The following VTA1 variants were observed in gnomAD, a reference collection of about 807,000 sequenced individuals.
VTA1 encodes vesicle trafficking 1, also known as vacuolar protein sorting-associated protein VTA1 homolog.
VTA1 carries 24 observed loss-of-function variants against 36.9 expected under a neutral mutation model. That is an observed-to-expected ratio of 0.65 (90% CI 0.47 to 0.91). The LOEUF (loss-of-function observed/expected upper bound fraction) is 0.91, where lower values mean the gene tolerates loss of function less well. Among genes scored for constraint, VTA1 ranks in the 40% least tolerant of loss-of-function variants. VTA1 has a pLI of 0.00. For missense variants in VTA1, 393 were observed against 377.2 expected (o/e 1.04, Z -0.35); for synonymous variants, 142 against 130.2 (o/e 1.09, Z -0.62).
At chr6:142,155,831 C>G (rs1778651641) in intron 1 of VTA1, among the ~76,000 whole-genome samples, 1 of 152,078 alleles carries the variant, frequency 6.6e-6, no homozygotes, top group African/African-American at 2.4e-5. Context: ...TAAGGTGTTT[C>G]TTTTTGTTCT....
chr6:142,214,565 A>C (rs1582907905), intron 7 of VTA1, among the ~76,000 whole-genome samples: 1 of 152,220 alleles, frequency 6.6e-6, no homozygotes, highest in East Asian at 1.9e-4. Context: ...ATTTGACAGG[A>C]GATTTGGATG....
intron 4 of VTA1, among the ~76,000 whole-genome samples, chr6:142,173,582 T>C (rs552283970): frequency 3.5e-4 from 53 of 152,308 alleles, no homozygotes; most frequent in Admixed American, 1.1e-3. Context: ...CATAATCCTT[T>C]AAAGTTATAA....
rs1357075557 is a variant in VTA1, at chr6:142,223,769, A to G, written c.*5126A>G. On this transcript the variant is annotated 3_prime_UTR_variant, in exon 8 of 8. Coordinates refer to ENST00000367630, the MANE Select transcript of VTA1 (RefSeq NM_016485.5). ...TACTGGATATTATATACGAGTTACA[A>G]TAATTCTTCCTAAAGTCAGGGAAAG... 6.6e-6 allele frequency: 1 copy of G among 152,170 alleles called. No homozygotes were observed. 9.4% of individuals were successfully genotyped at this position (152,170 alleles called of 1,614,324 possible).
chr6:142,212,818 G>A (rs1329059093), intron 7 of VTA1, among the ~76,000 whole-genome samples: 1 of 152,126 alleles, frequency 6.6e-6, no homozygotes, highest in Non-Finnish European at 1.5e-5. Context: ...CAGATCTCGT[G>A]AGACCTCACT....
At position 142,170,342 on chromosome 6, in the gene VTA1, C is replaced by T; in HGVS notation, c.336-4C>T. 6.2e-7 allele frequency: 1 copy of T among 1,600,696 alleles called. No individual in the cohort carries two copies. Among genetic ancestry groups the T allele is most frequent in the East Asian group, 2.2e-5 (1 of 44,450 alleles). On this transcript the variant is annotated splice_region_variant and splice_polypyrimidine_tract_variant and intron_variant, in intron 3 of 7. Transcript: ENST00000367630. The stretch of plus-strand genomic sequence containing the variant: ...AAACTAGACCGCTCTCTTTTCTCTT[C>T]CAGAAACATGATCAAGTCCTTCTAT...
chr6:142,210,311 C>A (rs896705315), intron 7 of VTA1, among the ~76,000 whole-genome samples: 11 of 152,090 alleles, frequency 7.2e-5, no homozygotes, highest in Non-Finnish European at 1.5e-4. Flanking sequence ...AATCTAAGAC[C>A]TATGAAACTT....
At chr6:142,158,408 TC>T (rs1189057123) in intron 1 of VTA1, among the ~76,000 whole-genome samples, 1 of 152,114 alleles carries the variant, frequency 6.6e-6, no homozygotes, top group Non-Finnish European at 1.5e-5. Flanking sequence ...AATAATAAGA[TC>T]AACTTCACAA....
rs1776060419 is a variant in VTA1 at position 142,219,294 on chromosome 6, A to G, written c.*651A>G. Reference sequence around the variant, plus strand: ...ATAATGTTGATTTCCCAAGTGCTTTACCTTATCTGTTAAAGCGTAAGATGA... The same window carrying G: ...ATAATGTTGATTTCCCAAGTGCTTTGCCTTATCTGTTAAAGCGTAAGATGA... On this transcript the variant is annotated 3_prime_UTR_variant, in exon 8 of 8. Coordinates refer to ENST00000367630, the MANE Select transcript of VTA1 (RefSeq NM_016485.5). 6.6e-6 allele frequency: 1 copy of G among 152,214 alleles called. No homozygotes were observed. The highest frequency in any genetic ancestry group is 2.1e-4 in the South Asian group (1 of 4,834). 9.4% of individuals were successfully genotyped at this position (152,214 alleles called of 1,614,324 possible). A position where few individuals can be genotyped will look rare whatever the true frequency, so the allele number is the denominator to read the frequency against.
intron 7 of VTA1, among the ~76,000 whole-genome samples, chr6:142,205,771 A>G (rs1239707725): frequency 6.6e-6 from 1 of 152,162 alleles, no homozygotes; most frequent in Non-Finnish European, 1.5e-5. Flanking sequence ...TATGAAAGAC[A>G]TAGATAAGAT....
chr6:142,188,225 CTTTTTT>C (rs200348683), intron 4 of VTA1, among the ~76,000 whole-genome samples: 385 of 78,918 alleles, frequency 4.9e-3, no homozygotes, highest in African/African-American at 0.016. Context: ...TTCTTTATTT[CTTTTTT>C]TTTTTTTTTT....
At chr6:142,209,659 AAAG>A (rs936117980) in intron 7 of VTA1, among the ~76,000 whole-genome samples, 2 of 151,578 alleles carry the variant, frequency 1.3e-5, no homozygotes, top group African/African-American at 2.4e-5. Flanking sequence ...CGATCTAACT[AAAG>A]AAGTTAGTTA....
intron 1 of VTA1, among the ~76,000 whole-genome samples, chr6:142,163,019 G>A (rs79524622): frequency 0.03 from 4,509 of 152,288 alleles, 151 homozygotes; most frequent in African/African-American, 0.071. Flanking sequence ...GGGTCAATAA[G>A]AATTGAGAAC....
chr6:142,188,339 C>T (rs1262987647), intron 4 of VTA1, among the ~76,000 whole-genome samples: 3 of 148,450 alleles, frequency 2.0e-5, no homozygotes, highest in African/African-American at 5.0e-5. Context: ...CTCAGCCTCC[C>T]GAGTAGCTGC....
At chr6:142,157,766 C>A (rs1778690281) in intron 1 of VTA1, among the ~76,000 whole-genome samples, 1 of 151,720 alleles carries the variant, frequency 6.6e-6, no homozygotes, top group Non-Finnish European at 1.5e-5. Context: ...TAAGTTCCTA[C>A]TTTCACTGAA....
chr6:142,171,100 A>AT (rs35684039), intron 4 of VTA1, among the ~76,000 whole-genome samples: 2,623 of 145,556 alleles, frequency 0.018, 84 homozygotes, highest in African/African-American at 0.061. Flanking sequence ...AGGTAGAATC[A>AT]TTTTTTTTTT....
chr6:142,217,812 C>G (rs977949130), intron 7 of VTA1, among the ~76,000 whole-genome samples: 2 of 150,994 alleles, frequency 1.3e-5, no homozygotes, highest in Non-Finnish European at 3.0e-5. Context: ...AATATATATT[C>G]AAGGAAATTC....
intron 1 of VTA1, among the ~76,000 whole-genome samples, chr6:142,159,809 G>A (rs971454033): frequency 6.6e-6 from 1 of 151,834 alleles, no homozygotes; most frequent in African/African-American, 2.4e-5. Context: ...CACCGTGCCC[G>A]GCCGATATAT....
At chr6:142,181,479 A>G (rs1382861134) in intron 4 of VTA1, among the ~76,000 whole-genome samples, 1 of 148,526 alleles carries the variant, frequency 6.7e-6, no homozygotes, top group African/African-American at 2.5e-5. Context: ...ATATATGTAT[A>G]TGTACTTTTT....
chr6:142,214,043 T>G (rs968939779), intron 7 of VTA1, among the ~76,000 whole-genome samples: 2 of 152,204 alleles, frequency 1.3e-5, no homozygotes, highest in Admixed American at 1.3e-4. Flanking sequence ...TTTTCCATAC[T>G]TTTATGCTCT....
Sources: gnomAD v4.1 joint callset for allele counts (sites outside exome capture counted in the v4.1 genomes callset) on GRCh38, gnomAD v4.1.1 for gene constraint, MANE v1.5 for transcripts, NCBI Gene and HGNC (gene_info 2026-07-23, HGNC 2026-07-21) for gene names.